The following ALG9 variants were observed in gnomAD, a reference collection of about 807,000 sequenced individuals.
ALG9 encodes the protein ALG9 alpha-1,2-mannosyltransferase, also known as alpha-1,2-mannosyltransferase ALG9.
In ALG9, 55 loss-of-function variants were observed where a neutral mutation model predicts 81.8. That is an observed-to-expected ratio of 0.67 (90% CI 0.54 to 0.84). The LOEUF (loss-of-function observed/expected upper bound fraction) is 0.84, where lower values mean the gene tolerates loss of function less well. ALG9 is among the 40% of genes least tolerant of loss of function. The pLI is 0.00. For missense variants in ALG9, 629 were observed against 745.0 expected (o/e 0.84, Z 1.81); for synonymous variants, 278 against 274.3 (o/e 1.01, Z -0.13).
the ALG9 span, among the ~76,000 whole-genome samples, chr11:111,769,902 C>G: frequency 6.6e-6 from 1 of 152,086 alleles, no homozygotes; most frequent in Non-Finnish European, 1.5e-5. Flanking sequence ...GTTTGAGAGT[C>G]ATCAATTTTG....
At chr11:111,773,548 C>T in the ALG9 span, among the ~76,000 whole-genome samples, 2 of 151,780 alleles carry the variant, frequency 1.3e-5, no homozygotes, top group Admixed American at 6.6e-5. Flanking sequence ...ATTTAAGCTA[C>T]GGAAAACCTG....
At chr11:111,853,549 T>C in intron 7 of ALG9, 64 bp from the exon 8 acceptor site, 2 of 1,575,316 alleles carry the variant, frequency 1.3e-6, no homozygotes, top group African/African-American at 1.3e-5. Flanking sequence ...AGGATAAACC[T>C]GAGAATGAAA....
At chr11:111,848,039 A>G (rs1271287127) in intron 8 of ALG9, among the ~76,000 whole-genome samples, 1 of 152,188 alleles carries the variant, frequency 6.6e-6, no homozygotes, top group Non-Finnish European at 1.5e-5. Context: ...TTCAGTGCAA[A>G]GAACACGGGC....
chr11:111,799,258 T>A (rs181175887), intron 14 of ALG9, among the ~76,000 whole-genome samples: 100 of 152,288 alleles, frequency 6.6e-4, no homozygotes, highest in Admixed American at 5.9e-3. Context: ...GTGATTCTCC[T>A]GCTTCAGCCT....
At chr11:111,791,867 G>C (rs1202589294) in intron 14 of ALG9, among the ~76,000 whole-genome samples, 4 of 152,230 alleles carry the variant, frequency 2.6e-5, no homozygotes, top group Non-Finnish European at 5.9e-5. Flanking sequence ...CAAGGCGGGT[G>C]AATCACTTGA....
At position 111,871,430 on chromosome 11, in the gene ALG9, C is replaced by T. The variant is rs1555158997; in HGVS notation, c.53G>A (p.Gly18Glu). Reference protein sequence around the residue: ...QRLKGSGASSGDTAPAADKLR... With the variant: ...QRLKGSGASSEDTAPAADKLR... The stretch of plus-strand genomic sequence containing the variant: ...CTTGTCCGCAGCCGGGGCCGTATCC[C>T]CACTGCTGGCCCCGCTGCCCTTCAG... The change falls in exon 1 of 15, where the codon GGG (glycine) becomes GAG (glutamate). Residue 18 changes from glycine to glutamate, a missense_variant. Around this residue, in one of 3 missense-constraint regions of ALG9, gnomAD observed 344 missense variants for 390.5 expected, o/e 0.88. Coordinates refer to ENST00000616540, the MANE Select transcript of ALG9 (RefSeq NM_024740.2). 3 of 1,536,370 alleles carry T rather than the reference C, an allele frequency of 2.0e-6. No individual in the cohort carries two copies. The highest frequency in any genetic ancestry group is 2.0e-5 in the Admixed American group (1 of 50,980).
chr11:111,811,690 G>A (rs1950740964), intron 13 of ALG9, among the ~76,000 whole-genome samples: 1 of 152,134 alleles, frequency 6.6e-6, no homozygotes, highest in African/African-American at 2.4e-5. Flanking sequence ...GTCTGATACA[G>A]CCTATGCCAC....
chr11:111,871,311 C>CG (rs1452357372), intron 1 of ALG9, 41 bp downstream of exon 1: 5 of 1,384,830 alleles, frequency 3.6e-6, no homozygotes, highest in Non-Finnish European at 4.6e-6. Flanking sequence ...CCCCGAACCG[C>CG]CCCGCCGGCC....
intron 1 of ALG9, chr11:111,871,076 C>T: frequency 8.4e-7 from 1 of 1,189,342 alleles, no homozygotes; most frequent in Non-Finnish European, 1.0e-6. Flanking sequence ...TCTACATCTC[C>T]CACAGAGGCT....
the ALG9 span, among the ~76,000 whole-genome samples, chr11:111,775,840 T>C: frequency 6.6e-6 from 1 of 152,160 alleles, no homozygotes; most frequent in East Asian, 1.9e-4. Context: ...TTCAAAGAGG[T>C]TATGAAATAG....
At chr11:111,842,841 A>G (rs1218471250) in intron 9 of ALG9, among the ~76,000 whole-genome samples, 1 of 152,262 alleles carries the variant, frequency 6.6e-6, no homozygotes, top group African/African-American at 2.4e-5. Context: ...TTTTAAACCA[A>G]TATTTTATAC....
At chr11:111,871,313 C>A in intron 1 of ALG9, 39 bp downstream of exon 1, 1 of 1,385,910 alleles carries the variant, frequency 7.2e-7, no homozygotes, top group South Asian at 1.7e-5. Flanking sequence ...CCGAACCGCC[C>A]CGCCGGCCGG....
At chr11:111,836,077 C>T in intron 13 of ALG9, 88 bp downstream of exon 13, 1 of 1,583,586 alleles carries the variant, frequency 6.3e-7, no homozygotes, top group Non-Finnish European at 8.7e-7. Flanking sequence ...AAGAAATTCT[C>T]ATTTTATCAA....
At position 111,801,162 on chromosome 11, in the gene ALG9, A is replaced by C. The variant is rs934497335; in HGVS notation, c.1733+8481T>G. Among the ~76,000 whole-genome samples, 3 of 152,226 alleles carry C rather than the reference A, an allele frequency of 2.0e-5. No individual in the cohort carries two copies. The East Asian group carries it at 5.8e-4, about 29-fold the overall frequency. On this transcript the variant is annotated intron_variant, in intron 14 of 14. Transcript: ENST00000616540. ...AAAGTACAAAAACCATTGTTTCAAG[A>C]TGACAGAGGAACTTTAATTGCTCCA... is the stretch of plus-strand genomic sequence containing the variant.
rs528344381 is a variant in ALG9, at chr11:111,793,429, T to C, written c.1734-6909A>G. Among the ~76,000 whole-genome samples the C allele has an allele frequency of 4.6e-5, 7 of 152,260 alleles. No homozygotes were observed. In the East Asian group the frequency reaches 7.7e-4, roughly 17 times the overall value. ...TTTGAATTGTTATATTGTATTGTTA[T>C]TGAAAAAAGGAAATCAAATTGGTAA... On this transcript the variant is annotated intron_variant, in intron 14 of 14. Transcript: ENST00000616540.
rs117588938 is a variant in ALG9 at position 111,819,518 on chromosome 11, G to A, written c.1603-9745C>T. On this transcript the variant is annotated intron_variant, in intron 13 of 14. Transcript: ENST00000616540. ...AAGATCAATCTAAATCAACTGCCCT[G>A]TAAACTCCTAGGCAAGTGGGAGGAT... Among the ~76,000 whole-genome samples the A allele has an allele frequency of 3.3e-5, 5 of 152,350 alleles. No individual in the cohort carries two copies. The East Asian group carries it at 5.8e-4, about 18-fold the overall frequency.
chr11:111,865,789 G>A (rs1555152321), intron 3 of ALG9, among the ~76,000 whole-genome samples: 1 of 152,086 alleles, frequency 6.6e-6, no homozygotes. Flanking sequence ...GTAATAAAAT[G>A]GTAAAAGTAG....
chr11:111,769,153 A>C, the ALG9 span: 1 of 150,766 alleles, frequency 6.6e-6, no homozygotes, highest in African/African-American at 2.4e-5. Context: ...AAAAAAAAAA[A>C]AAAAAAACTT....
At chr11:111,805,180 A>C in intron 14 of ALG9, 1 of 445,036 alleles carries the variant, frequency 2.2e-6, no homozygotes, top group Non-Finnish European at 4.5e-6. Context: ...ATGTCCTTAT[A>C]AGAAGAGGCT....
Sources: gnomAD v4.1 joint callset for allele counts (sites outside exome capture counted in the v4.1 genomes callset) on GRCh38, gnomAD v4.1.1 for gene constraint, gnomAD v4.1.1 regional missense constraint, MANE v1.5 for transcripts, NCBI Gene and HGNC (gene_info 2026-07-23, HGNC 2026-07-21) for gene names.